CLYBL: variants seen among roughly 807,000 people sequenced by gnomAD.
CLYBL encodes the protein citramalyl-CoA lyase.
CLYBL carries 31 observed loss-of-function variants against 38.9 expected under a neutral mutation model. The ratio of observed to expected loss-of-function variants is 0.80; its 90% confidence interval spans 0.60 to 1.08. CLYBL has a LOEUF of 1.08. CLYBL is among the 50% of genes least tolerant of loss of function. The pLI is 0.00. For synonymous variants in CLYBL, 171 were observed against 158.6 expected (o/e 1.08, Z -0.59); for missense variants, 434 against 411.6 (o/e 1.05, Z -0.47).
At chr13:99,860,881 T>C (rs999791923) in intron 3 of CLYBL, among the ~76,000 whole-genome samples, 4 of 152,226 alleles carry the variant, frequency 2.6e-5, no homozygotes, top group Non-Finnish European at 2.9e-5. Context: ...CTAGTGTGGG[T>C]TCTTGTTTGA....
chr13:99,681,979 C>T (rs1198236530), intron 1 of CLYBL, among the ~76,000 whole-genome samples: 6 of 152,272 alleles, frequency 3.9e-5, no homozygotes, highest in Middle Eastern at 3.4e-3. Flanking sequence ...GCAATTTCAT[C>T]GTTGTGCTAC....
chr13:99,731,017 A>C (rs999911677), intron 1 of CLYBL, among the ~76,000 whole-genome samples: 1 of 127,454 alleles, frequency 7.8e-6, no homozygotes, highest in Non-Finnish European at 1.6e-5. Flanking sequence ...CCGGGGGCTG[A>C]GGTTGCTGTG....
At chr13:99,706,457 G>T (rs994249503) in intron 1 of CLYBL, among the ~76,000 whole-genome samples, 2 of 152,152 alleles carry the variant, frequency 1.3e-5, no homozygotes, top group African/African-American at 4.8e-5. Flanking sequence ...AGGTAGGCAC[G>T]GTGGCTGTGC....
chr13:99,680,813 C>A (rs1479060110), intron 1 of CLYBL, among the ~76,000 whole-genome samples: 1 of 152,194 alleles, frequency 6.6e-6, no homozygotes, highest in Non-Finnish European at 1.5e-5. Context: ...TTAGGACAGA[C>A]CACTGGGTTT....
intron 2 of CLYBL, among the ~76,000 whole-genome samples, chr13:99,798,101 T>C (rs895407078): frequency 6.6e-6 from 1 of 152,128 alleles, no homozygotes; most frequent in African/African-American, 2.4e-5. Context: ...TTTGCCAGAG[T>C]TTCTCTGTTC....
At chr13:99,782,752 C>T (rs2138845624) in intron 2 of CLYBL, among the ~76,000 whole-genome samples, 1 of 152,094 alleles carries the variant, frequency 6.6e-6, no homozygotes, top group Non-Finnish European at 1.5e-5. Flanking sequence ...AGTTGTGTTT[C>T]CTATATTTGT....
At chr13:99,627,991 G>C (rs2046893191) in intron 1 of CLYBL, among the ~76,000 whole-genome samples, 1 of 152,138 alleles carries the variant, frequency 6.6e-6, no homozygotes, top group Non-Finnish European at 1.5e-5. Flanking sequence ...GCTGTATTTG[G>C]CATGTTGTGT....
At chr13:99,816,027 A>G (rs2050440046) in intron 2 of CLYBL, among the ~76,000 whole-genome samples, 1 of 152,234 alleles carries the variant, frequency 6.6e-6, no homozygotes, top group Non-Finnish European at 1.5e-5. Flanking sequence ...AACTTAACAT[A>G]GTAATTATAT....
intron 2 of CLYBL, among the ~76,000 whole-genome samples, chr13:99,853,599 C>T (rs1467880741): frequency 1.3e-5 from 2 of 152,100 alleles, no homozygotes; most frequent in Non-Finnish European, 2.9e-5. Flanking sequence ...CTCACCTTGC[C>T]TGTTGAAACA....
chr13:99,866,458 A>G, intron 6 of CLYBL, 51 bp downstream of exon 6: 1 of 1,561,770 alleles, frequency 6.4e-7, no homozygotes, highest in Non-Finnish European at 8.7e-7. Flanking sequence ...GCATTCCAGA[A>G]AAATAGAAAT....
At chr13:99,806,926 A>G (rs1227958341) in intron 2 of CLYBL, among the ~76,000 whole-genome samples, 1 of 152,214 alleles carries the variant, frequency 6.6e-6, no homozygotes, top group Non-Finnish European at 1.5e-5. Flanking sequence ...TTAACTCCAG[A>G]TGGCTGTGTC....
Position 99,864,923 on chromosome 13 carries a change from ATC to A in CLYBL, c.634+24_634+25del, listed in dbSNP as rs745837149. 3.4e-4 allele frequency: 530 copies of A among 1,548,502 alleles called. 1 individual carries two copies. The highest frequency in any genetic ancestry group is 7.4e-4 in the East Asian group (32 of 43,034). ...TCGAGCCAGCATAGGTGTCAAAGAC[ATC>A]TCTCTCTCTCTTTTTCTGTGTGTGT... On this transcript the variant is annotated intron_variant, in intron 5 of 8. Coordinates refer to ENST00000339105, the MANE Select transcript of CLYBL (RefSeq NM_206808.5).
intron 1 of CLYBL, among the ~76,000 whole-genome samples, chr13:99,669,843 A>G (rs963177816): frequency 8.5e-5 from 13 of 152,068 alleles, no homozygotes; most frequent in African/African-American, 1.4e-4. Context: ...TTTTCATTCT[A>G]TTGTTTTAGC....
At chr13:99,889,890 A>G (rs908098631) in intron 7 of CLYBL, among the ~76,000 whole-genome samples, 5 of 152,166 alleles carry the variant, frequency 3.3e-5, no homozygotes, top group East Asian at 1.9e-4. Flanking sequence ...ATGGGCTACA[A>G]TAGATGCAAA....
intron 1 of CLYBL, among the ~76,000 whole-genome samples, chr13:99,615,147 T>G (rs1264947224): frequency 6.6e-6 from 1 of 151,984 alleles, no homozygotes; most frequent in East Asian, 1.9e-4. Context: ...CCATGGGGAG[T>G]GCTCTCAGGG....
intron 1 of CLYBL, among the ~76,000 whole-genome samples, chr13:99,736,753 C>T (rs2048674951): frequency 6.6e-6 from 1 of 152,146 alleles, no homozygotes; most frequent in East Asian, 1.9e-4. Flanking sequence ...TCTCCACTGC[C>T]CTCTTATGCT....
At chr13:99,836,217 G>A (rs906872651) in intron 2 of CLYBL, among the ~76,000 whole-genome samples, 4 of 152,162 alleles carry the variant, frequency 2.6e-5, no homozygotes, top group Non-Finnish European at 5.9e-5. Context: ...CTCTGCCAGG[G>A]GGAGCGTTGG....
chr13:99,777,659 A>AT (rs1214520417), intron 2 of CLYBL, among the ~76,000 whole-genome samples: 1 of 151,606 alleles, frequency 6.6e-6, no homozygotes, highest in Non-Finnish European at 1.5e-5. Flanking sequence ...CGCCTGGCTA[A>AT]TTTTTGTAAT....
intron 7 of CLYBL, among the ~76,000 whole-genome samples, chr13:99,876,195 G>A (rs1353213023): frequency 1.3e-5 from 2 of 150,912 alleles, no homozygotes; most frequent in Non-Finnish European, 3.0e-5. Flanking sequence ...GCCGAGGTGG[G>A]CAGATCACAA....
Sources: gnomAD v4.1 joint callset for allele counts (sites outside exome capture counted in the v4.1 genomes callset) on GRCh38, gnomAD v4.1.1 for gene constraint, MANE v1.5 for transcripts, NCBI Gene and HGNC (gene_info 2026-07-23, HGNC 2026-07-21) for gene names.